Variants in TMEM74 observed in about 807,000 individuals in gnomAD.
The protein encoded by TMEM74 is transmembrane protein 74.
In TMEM74, 13 loss-of-function variants were observed where a neutral mutation model predicts 18.1. The ratio of observed to expected loss-of-function variants is 0.72; its 90% CI spans 0.47 to 1.14. TMEM74 has a LOEUF of 1.14. Among genes scored for constraint, TMEM74 ranks in the 50% most tolerant of loss-of-function variants. TMEM74 has a pLI of 0.00. For missense variants in TMEM74, 372 were observed against 375.9 expected (o/e 0.99, Z 0.09); for synonymous variants, 159 against 146.6 (o/e 1.08, Z -0.61).
rs867777132 is a variant in TMEM74 at position 108,679,958 on chromosome 8, G to A, written n.120-24521C>T. 5.9e-5 allele frequency among the ~76,000 whole-genome samples: 9 copies of A among 152,084 alleles called. No homozygotes were observed. The South Asian group carries it at 6.2e-4, about 11-fold the overall frequency. On this transcript the variant is annotated intron_variant and non_coding_transcript_variant, in intron 1 of 3. Transcript: ENST00000518838. The stretch of plus-strand genomic sequence containing the variant: ...TCTAGAAGAAATGGATAAATTCCTC[G>A]ACACATACACCCTCCCAAGACTAAA...
chr8:108,749,794 A>G, intron 1 of TMEM74, among the ~76,000 whole-genome samples: 1 of 152,104 alleles, frequency 6.6e-6, no homozygotes, highest in East Asian at 1.9e-4. Flanking sequence ...CCATGATCTG[A>G]AGACACACTT....
chr8:108,690,310 A>C (rs1272758913), intron 1 of TMEM74, among the ~76,000 whole-genome samples: 1 of 152,188 alleles, frequency 6.6e-6, no homozygotes, highest in East Asian at 1.9e-4. Flanking sequence ...GCTTTAAAAA[A>C]TTTATCACTA....
At chr8:108,714,374 A>C (rs1813502749) in intron 1 of TMEM74, among the ~76,000 whole-genome samples, 1 of 152,230 alleles carries the variant, frequency 6.6e-6, no homozygotes, top group African/African-American at 2.4e-5. Flanking sequence ...ATGGAGTTCA[A>C]AATACTAGGA....
rs540440766 is a variant in TMEM74, at chr8:108,612,044, C to T, written n.265-3218G>A. ...ATAAAACCATCAGATCTCCTGAGAA[C>T]TCATTCACTAACATGAGAACAGCAT... On this transcript the variant is annotated intron_variant and non_coding_transcript_variant, in intron 2 of 3. Coordinates refer to the TMEM74 transcript ENST00000518838. Among the ~76,000 whole-genome samples, 137 of 152,080 alleles carry T rather than the reference C, an allele frequency of 9.0e-4. 1 individual carries two copies. The highest frequency in any genetic ancestry group is 1.7e-3 in the Non-Finnish European group (117 of 68,032).
intron 2 of TMEM74, among the ~76,000 whole-genome samples, chr8:108,646,965 A>G (rs1812726437): frequency 6.6e-6 from 1 of 152,098 alleles, no homozygotes; most frequent in East Asian, 1.9e-4. Flanking sequence ...TTTAGCTTGT[A>G]TTATAGCTGG....
chr8:108,764,390 T>G (rs185704679), intron 1 of TMEM74, among the ~76,000 whole-genome samples: 6 of 152,164 alleles, frequency 3.9e-5, no homozygotes, highest in Non-Finnish European at 8.8e-5. Context: ...AAATGTGTCT[T>G]TCCTAGAGGG....
chr8:108,724,227 CTA>C (rs1813612117), intron 1 of TMEM74, among the ~76,000 whole-genome samples: 1 of 152,134 alleles, frequency 6.6e-6, no homozygotes, highest in African/African-American at 2.4e-5. Context: ...TCATGTAAAT[CTA>C]TTTATTTCAT....
At chr8:108,681,559 A>T (rs1248016103) in intron 1 of TMEM74, among the ~76,000 whole-genome samples, 1 of 152,234 alleles carries the variant, frequency 6.6e-6, no homozygotes, top group Non-Finnish European at 1.5e-5. Flanking sequence ...GTTCACAATT[A>T]CTATTAGCTC....
intron 2 of TMEM74, chr8:108,626,451 G>A (rs1242420103): frequency 6.6e-6 from 1 of 152,040 alleles, no homozygotes; most frequent in African/African-American, 2.4e-5. Flanking sequence ...ATTAATGTTT[G>A]CCATGTAACA....
intron 2 of TMEM74, among the ~76,000 whole-genome samples, chr8:108,613,206 GA>G (rs1258866376): frequency 9.2e-5 from 14 of 151,976 alleles, no homozygotes; most frequent in South Asian, 2.1e-4. Context: ...AAGGACTGGG[GA>G]AAAAAAATTC....
chr8:108,785,166 A>T, intron 1 of TMEM74, 29 bp from the exon 2 acceptor site: 1 of 1,488,154 alleles, frequency 6.7e-7, no homozygotes. Context: ...TTAGATAAGA[A>T]CCCAACAGAA....
At position 108,784,301 on chromosome 8, in the gene TMEM74, G is replaced by A; in HGVS notation, c.798C>T (p.Ala266=). The A allele has an allele frequency of 6.2e-7, 1 of 1,614,072 alleles. No homozygotes were observed. The highest frequency in any genetic ancestry group is 8.5e-7 in the Non-Finnish European group (1 of 1,180,026). ...KGELYRRNRF[A]SSKESAKLYG... is the part of the protein sequence containing the mutation. Reference sequence around the variant, plus strand: ...AGAGTTTTGCAGACTCTTTGGAAGAGGCAAATCTGTTTCGACGATAGAGCT... The same window carrying A: ...AGAGTTTTGCAGACTCTTTGGAAGAAGCAAATCTGTTTCGACGATAGAGCT... The change falls in exon 2 of 2, where the codon GCC becomes GCT. Residue 266 remains alanine (A), a synonymous_variant. Transcript: ENST00000297459.
chr8:108,699,109 CCCCTCCCCTCTTGTACCCTT>C (rs1813309031), intron 1 of TMEM74, among the ~76,000 whole-genome samples: 1 of 132,716 alleles, frequency 7.5e-6, no homozygotes, highest in South Asian at 3.0e-4. Context: ...TCCCTCCCCT[CCCCTCCCCTCTTGTACCCTT>C]CCCTCCCCTC....
intron 1 of TMEM74, among the ~76,000 whole-genome samples, chr8:108,689,881 A>G (rs1434351169): frequency 6.6e-6 from 1 of 151,938 alleles, no homozygotes; most frequent in Non-Finnish European, 1.5e-5. Context: ...CCTCCTCTCC[A>G]TTTCTCCAGA....
intron 1 of TMEM74, among the ~76,000 whole-genome samples, chr8:108,728,463 A>C (rs1813662565): frequency 6.6e-6 from 1 of 152,180 alleles, no homozygotes; most frequent in South Asian, 2.1e-4. Flanking sequence ...GGGTGGCAGG[A>C]GTCTATAAAA....
chr8:108,690,408 G>C (rs1813214130), intron 1 of TMEM74, among the ~76,000 whole-genome samples: 1 of 151,298 alleles, frequency 6.6e-6, no homozygotes, highest in African/African-American at 2.4e-5. Flanking sequence ...TAGTCCCCCA[G>C]TGTTCTCTTC....
chr8:108,642,591 G>A (rs1812676723), intron 2 of TMEM74, among the ~76,000 whole-genome samples: 4 of 152,098 alleles, frequency 2.6e-5, no homozygotes, highest in African/African-American at 7.2e-5. Context: ...ACAAATTTGT[G>A]TAATAGGTTT....
At chr8:108,715,039 ATCTTT>A (rs1384331317) in intron 1 of TMEM74, among the ~76,000 whole-genome samples, 1 of 152,138 alleles carries the variant, frequency 6.6e-6, no homozygotes, top group Non-Finnish European at 1.5e-5. Flanking sequence ...TCTATATTGT[ATCTTT>A]TCTTTTTTGT....
intron 2 of TMEM74, among the ~76,000 whole-genome samples, chr8:108,630,639 C>A (rs1043239824): frequency 1.3e-5 from 2 of 151,958 alleles, no homozygotes; most frequent in African/African-American, 4.8e-5. Flanking sequence ...GACCACAGTG[C>A]AATCAAATTA....
Sources: gnomAD v4.1 joint callset for allele counts (sites outside exome capture counted in the v4.1 genomes callset) on GRCh38, gnomAD v4.1.1 for gene constraint, MANE v1.5 for transcripts, NCBI Gene and HGNC (gene_info 2026-07-23, HGNC 2026-07-21) for gene names.